Variants in MECOM observed in about 807,000 individuals in gnomAD.
MECOM encodes the protein MDS1 and EVI1 complex locus, also known as histone-lysine N-methyltransferase MECOM.
A neutral mutation model predicts 116.3 loss-of-function variants in MECOM; 13 were observed. The ratio of observed to expected loss-of-function variants is 0.11; its 90% CI spans 0.07 to 0.18. MECOM has a LOEUF of 0.18. Ranked by LOEUF, MECOM falls within the 10% of genes least tolerant of loss-of-function variation. The pLI is 1.00. For missense variants in MECOM, 1,299 were observed against 1,509.0 expected, an observed-to-expected ratio of 0.86 and a Z score of 2.31; for synonymous variants, 528 against 535.2, an observed-to-expected ratio of 0.99 and a Z score of 0.19.
chr3:169,639,503 A>G (rs1381534910), intron 1 of MECOM, among the ~76,000 whole-genome samples: 1 of 152,244 alleles, frequency 6.6e-6, no homozygotes, highest in East Asian at 1.9e-4. Context: ...AACATTAAGA[A>G]TAATAGAACC....
chr3:169,241,952 T>C (rs1754868853), intron 2 of MECOM, among the ~76,000 whole-genome samples: 3 of 152,228 alleles, frequency 2.0e-5, no homozygotes, highest in Non-Finnish European at 4.4e-5. Flanking sequence ...TAGAATGAAA[T>C]GTAAAAAGTA....
intron 2 of MECOM, among the ~76,000 whole-genome samples, chr3:169,323,210 T>G (rs1443201902): frequency 6.6e-6 from 1 of 152,066 alleles, no homozygotes; most frequent in African/African-American, 2.4e-5. Context: ...CTCCCTAGGA[T>G]CTACCTTGAC....
intron 2 of MECOM, among the ~76,000 whole-genome samples, chr3:169,168,661 T>C (rs1260118986): frequency 6.6e-6 from 1 of 152,064 alleles, no homozygotes; most frequent in African/African-American, 2.4e-5. Context: ...GTTCACTTTG[T>C]TAGATTCTTG....
chr3:169,324,320 A>T (rs1721451869), intron 2 of MECOM, among the ~76,000 whole-genome samples: 1 of 152,196 alleles, frequency 6.6e-6, no homozygotes, highest in South Asian at 2.1e-4. Context: ...AACGCCTAGA[A>T]GTTGTCAGAA....
intron 10 of MECOM, among the ~76,000 whole-genome samples, chr3:169,106,402 G>A (rs1326254885): frequency 6.6e-6 from 1 of 152,046 alleles, no homozygotes; most frequent in East Asian, 1.9e-4. Context: ...ACGGAGAATG[G>A]AATATTCATC....
intron 2 of MECOM, among the ~76,000 whole-genome samples, chr3:169,158,544 C>T (rs750192007): frequency 9.2e-5 from 14 of 152,102 alleles, no homozygotes; most frequent in Non-Finnish European, 1.9e-4. Flanking sequence ...TATCGTGTTC[C>T]ATCAAGTGTG....
chr3:169,338,600 GGTGTGT>G (rs149763365), intron 2 of MECOM, among the ~76,000 whole-genome samples: 7 of 146,438 alleles, frequency 4.8e-5, no homozygotes, highest in South Asian at 4.4e-4. Flanking sequence ...TTATGTTAGG[GGTGTGT>G]GTGTGTGTGT....
intron 2 of MECOM, among the ~76,000 whole-genome samples, chr3:169,179,687 T>C (rs1444643503): frequency 6.6e-6 from 1 of 152,202 alleles, no homozygotes; most frequent in Non-Finnish European, 1.5e-5. Flanking sequence ...TTGGCACCTC[T>C]TACAAGCTAA....
intron 1 of MECOM, among the ~76,000 whole-genome samples, chr3:169,570,862 A>C (rs1763806283): frequency 1.3e-5 from 2 of 152,228 alleles, no homozygotes; most frequent in African/African-American, 4.8e-5. Flanking sequence ...GCTACTTATG[A>C]CAAACCCACA....
At chr3:169,171,146 C>T (rs73170086) in intron 2 of MECOM, among the ~76,000 whole-genome samples, 10,694 of 152,174 alleles carry the variant, frequency 0.07, 475 homozygotes, top group South Asian at 0.19. Flanking sequence ...TACTAATTTT[C>T]TATCAGAAAA....
intron 1 of MECOM, among the ~76,000 whole-genome samples, chr3:169,612,431 T>C (rs371310597): frequency 6.6e-6 from 1 of 152,154 alleles, no homozygotes; most frequent in East Asian, 1.9e-4. Context: ...GGCAAAAACA[T>C]CCAAAGTGTA....
At chr3:169,365,354 T>A (rs1728991216) in intron 2 of MECOM, among the ~76,000 whole-genome samples, 1 of 152,048 alleles carries the variant, frequency 6.6e-6, no homozygotes, top group Non-Finnish European at 1.5e-5. Context: ...TATAGTCGCT[T>A]CTCTTCAGCT....
chr3:169,170,022 A>G (rs1744170403), intron 2 of MECOM, among the ~76,000 whole-genome samples: 1 of 152,182 alleles, frequency 6.6e-6, no homozygotes, highest in Non-Finnish European at 1.5e-5. Context: ...ATACATGCCT[A>G]CAAACTCTCT....
chr3:169,532,384 A>G (rs1455090865), intron 1 of MECOM, among the ~76,000 whole-genome samples: 1 of 152,240 alleles, frequency 6.6e-6, no homozygotes, highest in Non-Finnish European at 1.5e-5. Flanking sequence ...TCTCTAACCT[A>G]GAATGGTGAT....
intron 1 of MECOM, among the ~76,000 whole-genome samples, chr3:169,572,521 G>C (rs921145588): frequency 6.6e-6 from 1 of 152,102 alleles, no homozygotes; most frequent in African/African-American, 2.4e-5. Context: ...ACATTATTCT[G>C]CTATAAAGAC....
chr3:169,139,032 A>G (rs1737268649), intron 3 of MECOM, among the ~76,000 whole-genome samples: 7 of 152,144 alleles, frequency 4.6e-5, no homozygotes, highest in Admixed American at 4.6e-4. Context: ...AAGGTAAAGC[A>G]CAAATGAGAA....
chr3:169,238,695 TAAAC>T (rs578185743), intron 2 of MECOM, among the ~76,000 whole-genome samples: 1 of 152,202 alleles, frequency 6.6e-6, no homozygotes, highest in Non-Finnish European at 1.5e-5. Flanking sequence ...CTGATTCAGA[TAAAC>T]AAATCTGATT....
In MECOM at chr3:169,641,356, G is replaced by A. The variant is rs78336735; in HGVS notation, c.37+21980C>T. 4.1e-3 allele frequency among the ~76,000 whole-genome samples: 626 copies of A among 152,244 alleles called. 3 individuals are homozygous for A. The highest frequency in any genetic ancestry group is 0.014 in the Middle Eastern group (4 of 294). On this transcript the variant is annotated intron_variant, in intron 1 of 16. Transcript: ENST00000651503. ...CTCTATTTGCATAGCCACACATCTG[G>A]GTAGGTCAGCGCTTCTGTGACTTTA...
intron 2 of MECOM, among the ~76,000 whole-genome samples, chr3:169,239,644 T>G (rs1754535422): frequency 6.6e-6 from 1 of 152,078 alleles, no homozygotes; most frequent in East Asian, 1.9e-4. Flanking sequence ...ATAAATAAAC[T>G]AGCAAGCTTA....
Sources: allele counts gnomAD v4.1 joint callset (sites outside exome capture counted in the v4.1 genomes callset), GRCh38; gene constraint gnomAD v4.1.1; transcripts MANE v1.5; gene names NCBI Gene and HGNC (gene_info 2026-07-23, HGNC 2026-07-21).